The following NALF1 variants were observed in gnomAD, a reference collection of about 807,000 sequenced individuals.
NALF1 encodes family with sequence similarity 155 member A.
In NALF1, 3 loss-of-function variants were observed where a neutral mutation model predicts 48.4. That is an observed-to-expected ratio of 0.06 (90% confidence interval 0.03 to 0.16). The LOEUF is 0.16. Among genes scored for constraint, NALF1 ranks in the 10% least tolerant of loss-of-function variants. The pLI is 1.00. For missense variants in NALF1, 526 were observed against 571.5 expected, an observed-to-expected ratio of 0.92 and a Z score of 0.81; for synonymous variants, 262 against 245.7, an observed-to-expected ratio of 1.07 and a Z score of -0.62.
chr13:107,645,438 G>T (rs560225944), intron 1 of NALF1, among the ~76,000 whole-genome samples: 1 of 152,176 alleles, frequency 6.6e-6, no homozygotes, highest in African/African-American at 2.4e-5. Context: ...TTGCCAAATG[G>T]AATGCTGTTA....
intron 1 of NALF1, among the ~76,000 whole-genome samples, chr13:107,509,238 A>G (rs1488482490): frequency 1.3e-5 from 2 of 152,164 alleles, no homozygotes; most frequent in African/African-American, 2.4e-5. Context: ...AAACGCATAC[A>G]TATGTACTCA....
intron 2 of NALF1, among the ~76,000 whole-genome samples, chr13:107,192,603 C>G (rs1052294391): frequency 6.6e-6 from 1 of 152,108 alleles, no homozygotes; most frequent in African/African-American, 2.4e-5. Flanking sequence ...TGTTACTACT[C>G]TAATTTATTT....
At chr13:107,296,207 A>G (rs1294971085) in intron 1 of NALF1, among the ~76,000 whole-genome samples, 4 of 152,232 alleles carry the variant, frequency 2.6e-5, no homozygotes, top group Non-Finnish European at 5.9e-5. Flanking sequence ...TGCCAAACAT[A>G]CATTGCCAAA....
intron 1 of NALF1, among the ~76,000 whole-genome samples, chr13:107,547,715 A>G (rs2139125792): frequency 6.6e-6 from 1 of 152,304 alleles, no homozygotes; most frequent in East Asian, 1.9e-4. Flanking sequence ...ACTTGGGGCC[A>G]CATTAGAGCA....
chr13:107,475,817 C>A (rs1364778175), intron 1 of NALF1, among the ~76,000 whole-genome samples: 1 of 152,086 alleles, frequency 6.6e-6, no homozygotes, highest in Non-Finnish European at 1.5e-5. Context: ...GAGAGTTGTT[C>A]AACCAATACT....
At chr13:107,475,800 A>G (rs1885169100) in intron 1 of NALF1, among the ~76,000 whole-genome samples, 1 of 152,182 alleles carries the variant, frequency 6.6e-6, no homozygotes, top group Admixed American at 6.5e-5. Context: ...CATATAAACT[A>G]TTTATTGAGA....
intron 1 of NALF1, among the ~76,000 whole-genome samples, chr13:107,746,345 T>A (rs976681291): frequency 1.3e-5 from 2 of 152,188 alleles, no homozygotes; most frequent in Non-Finnish European, 2.9e-5. Context: ...AATAAATTAA[T>A]ACACAGGGTT....
chr13:107,684,118 T>G (rs962815311), intron 1 of NALF1, among the ~76,000 whole-genome samples: 1 of 152,220 alleles, frequency 6.6e-6, no homozygotes, highest in Admixed American at 6.5e-5. Flanking sequence ...ACCAGCCATC[T>G]GTGGCTCCCA....
intron 1 of NALF1, among the ~76,000 whole-genome samples, chr13:107,237,775 A>G (rs1451104949): frequency 6.6e-6 from 1 of 152,200 alleles, no homozygotes; most frequent in South Asian, 2.1e-4. Context: ...TGTATCATTA[A>G]TATATAATAA....
intron 1 of NALF1, among the ~76,000 whole-genome samples, chr13:107,346,338 C>T (rs1882772511): frequency 6.6e-6 from 1 of 152,132 alleles, no homozygotes; most frequent in Non-Finnish European, 1.5e-5. Flanking sequence ...ATGTTCACTA[C>T]AGCATTATAC....
At chr13:107,437,769 T>G (rs75709189) in intron 1 of NALF1, among the ~76,000 whole-genome samples, 17,760 of 152,214 alleles carry the variant, frequency 0.12, 1,162 homozygotes, top group Middle Eastern at 0.19. Flanking sequence ...AAATTGATAT[T>G]TGTATTACAC....
chr13:107,699,779 C>G (rs1192073482), intron 1 of NALF1, among the ~76,000 whole-genome samples: 2 of 151,958 alleles, frequency 1.3e-5, no homozygotes, highest in South Asian at 4.2e-4. Flanking sequence ...CCCAAATACT[C>G]CACACACAAA....
Position 107,866,871 on chromosome 13 carries a change from C to T in NALF1, c.-275G>A, listed in dbSNP as rs187089646. ...TTGCTTCCTAATCATCAGCCGACCC[C>T]ATCCTCTGTAGAGTGGGAAACAATA... On this transcript the variant is annotated 5_prime_UTR_variant, in exon 1 of 3. It removes an upstream start codon present in the reference 5' UTR. Transcript: ENST00000375915. This position sits in a 1 kb window ranked among gnomAD's most constrained non-coding sequence, Gnocchi z 4.4. 1.6e-3 allele frequency: 785 copies of T among 502,934 alleles called. 6 individuals are homozygous for T. The highest frequency in any genetic ancestry group is 0.014 in the African/African-American group (699 of 51,040). 31.2% of individuals were successfully genotyped at this position (502,934 alleles called of 1,614,324 possible).
rs1283972494 is a variant in NALF1, at chr13:107,168,361, T to C, written c.*2136A>G. ...TTTCACAGTCAACAATTCCATGCAATTAATGTGTCTCCCCCGAGCCATTCA... is the reference window on the plus strand; with the variant it reads ...TTTCACAGTCAACAATTCCATGCAACTAATGTGTCTCCCCCGAGCCATTCA... On this transcript the variant is annotated 3_prime_UTR_variant, in exon 3 of 3. Coordinates refer to ENST00000375915, the MANE Select transcript of NALF1 (RefSeq NM_001080396.3). The C allele has an allele frequency of 6.6e-6, 1 of 152,216 alleles. No homozygotes were observed. The highest frequency in any genetic ancestry group is 1.5e-5 in the Non-Finnish European group (1 of 68,056). 9.4% of individuals were successfully genotyped at this position (152,216 alleles called of 1,614,324 possible).
chr13:107,574,526 T>C (rs1377267567), intron 1 of NALF1, among the ~76,000 whole-genome samples: 1 of 152,212 alleles, frequency 6.6e-6, no homozygotes. Context: ...ACAAGTGATC[T>C]TGTGCAATGA....
chr13:107,644,063 T>C (rs1344621980), intron 1 of NALF1, among the ~76,000 whole-genome samples: 2 of 132,608 alleles, frequency 1.5e-5, no homozygotes, highest in Non-Finnish European at 1.7e-5. Context: ...TTTTGACAGA[T>C]ATTTATTTTT....
At chr13:107,238,377 G>A (rs1400180435) in intron 1 of NALF1, among the ~76,000 whole-genome samples, 2 of 152,118 alleles carry the variant, frequency 1.3e-5, no homozygotes, top group African/African-American at 2.4e-5. Flanking sequence ...GAGTAGCACG[G>A]CTTTTTGTTA....
chr13:107,431,640 T>C (rs986347091), intron 1 of NALF1, among the ~76,000 whole-genome samples: 1 of 152,196 alleles, frequency 6.6e-6, no homozygotes, highest in Non-Finnish European at 1.5e-5. Flanking sequence ...TGCTAGCCCG[T>C]CATGGTCTGG....
At chr13:107,603,925 G>A (rs1022550579) in intron 1 of NALF1, among the ~76,000 whole-genome samples, 2 of 152,134 alleles carry the variant, frequency 1.3e-5, no homozygotes, top group Admixed American at 6.5e-5. Context: ...ATAGCAAGAG[G>A]TGACACATAC....
Sources: allele counts gnomAD v4.1 joint callset (sites outside exome capture counted in the v4.1 genomes callset), GRCh38; gene constraint gnomAD v4.1.1; non-coding constraint Gnocchi (gnomAD v3.1); transcripts MANE v1.5; gene names NCBI Gene and HGNC (gene_info 2026-07-23, HGNC 2026-07-21).